ABCC9: variants seen among roughly 807,000 people sequenced by gnomAD.
The protein encoded by ABCC9 is ATP binding cassette subfamily C member 9, also known as ATP-binding cassette sub-family C member 9.
A neutral mutation model predicts 188.3 loss-of-function variants in ABCC9; 95 were observed. That is an observed-to-expected ratio of 0.50 (90% CI 0.43 to 0.60). ABCC9 has a LOEUF of 0.60. Among genes scored for constraint, ABCC9 ranks in the 20% least tolerant of loss-of-function variants. ABCC9 has a pLI of 0.00. For synonymous variants in ABCC9, 659 were observed against 652.7 expected (o/e 1.01, Z -0.15); for missense variants, 1,102 against 1,876.3 (o/e 0.59, Z 7.62).
chr12:21,825,762 T>C (rs930704818), intron 31 of ABCC9, among the ~76,000 whole-genome samples: 1 of 152,116 alleles, frequency 6.6e-6, no homozygotes, highest in Non-Finnish European at 1.5e-5. Context: ...ATGCATGTTC[T>C]GCGTATGTAT....
chr12:21,923,018 G>T (rs1345902130), intron 5 of ABCC9: 1 of 149,272 alleles, frequency 6.7e-6, no homozygotes, highest in African/African-American at 2.5e-5. Context: ...AAGTGCCAAT[G>T]CAATCTCTTG....
At chr12:21,927,654 A>G (rs1411736857) in intron 4 of ABCC9, among the ~76,000 whole-genome samples, 1 of 152,166 alleles carries the variant, frequency 6.6e-6, no homozygotes. Flanking sequence ...GGAGCTAATA[A>G]GTTTCGCCAG....
chr12:21,916,395 A>G (rs937946915), intron 6 of ABCC9, among the ~76,000 whole-genome samples: 6 of 152,182 alleles, frequency 3.9e-5, no homozygotes, highest in Middle Eastern at 3.2e-3. Context: ...TGGAAAATCT[A>G]TCTCTAGTAT....
chr12:21,857,676 G>A (rs546566086), intron 22 of ABCC9, among the ~76,000 whole-genome samples: 128 of 152,258 alleles, frequency 8.4e-4, no homozygotes, highest in Admixed American at 1.6e-3. Context: ...AGAGGAAGAC[G>A]TGACTATGTA....
intron 29 of ABCC9, among the ~76,000 whole-genome samples, chr12:21,838,826 A>T (rs1237267289): frequency 6.6e-6 from 1 of 152,152 alleles, no homozygotes; most frequent in Non-Finnish European, 1.5e-5. Context: ...TGAAGCCAGG[A>T]GTTTGAGACC....
At chr12:21,867,096 A>G (rs904037744) in intron 18 of ABCC9, among the ~76,000 whole-genome samples, 2 of 152,086 alleles carry the variant, frequency 1.3e-5, no homozygotes, top group African/African-American at 2.4e-5. Context: ...AGAGAAAGAA[A>G]AAAAGAGGTA....
intron 7 of ABCC9, among the ~76,000 whole-genome samples, chr12:21,913,747 AT>A (rs1045752605): frequency 6.6e-6 from 1 of 152,216 alleles, no homozygotes; most frequent in African/African-American, 2.4e-5. Context: ...TGTAAATAAA[AT>A]TTTAAGACCT....
chr12:21,892,307 C>A (rs1004634242), intron 14 of ABCC9, among the ~76,000 whole-genome samples: 21 of 152,044 alleles, frequency 1.4e-4, no homozygotes, highest in African/African-American at 4.8e-4. Flanking sequence ...TATTTGGTAA[C>A]CTCCTGATTT....
chr12:21,899,191 A>G (rs1947585416), intron 12 of ABCC9, among the ~76,000 whole-genome samples: 1 of 152,222 alleles, frequency 6.6e-6, no homozygotes, highest in Admixed American at 6.5e-5. Flanking sequence ...AGTTATTTCT[A>G]AACAGAACTA....
chr12:21,828,319 G>C (rs891699173), intron 31 of ABCC9: 1 of 155,326 alleles, frequency 6.4e-6, no homozygotes, highest in South Asian at 2.0e-4. Context: ...GCATGCATTC[G>C]AAAGACATTT....
intron 21 of ABCC9, 62 bp from the exon 22 acceptor site, chr12:21,859,728 A>G (rs1945410338): frequency 3.7e-6 from 5 of 1,353,134 alleles, no homozygotes; most frequent in Non-Finnish European, 5.3e-6. Context: ...TTTTGGTAAT[A>G]TGACCTTAAA....
Position 21,887,916 on chromosome 12 carries a change from C to T in ABCC9, c.1821G>A (p.Glu607=). The change falls in exon 15 of 40, where the codon GAG becomes GAA. Residue 607 remains glutamate (E), a synonymous_variant. Transcript: ENST00000261200. The stretch of plus-strand genomic sequence containing the variant: ...CACCAATCTCATCACTCAAGAGAAA[C>T]TCATTCAGCTTTTGAACACTGCAAA... ...KAIISVQKLN[E]FLLSDEIGDD... is the part of the protein sequence containing the mutation. The T allele has an allele frequency of 6.2e-7, 1 of 1,613,102 alleles. No homozygotes were observed. The highest frequency in any genetic ancestry group is 1.3e-5 in the African/African-American group (1 of 75,012).
intron 20 of ABCC9, 55 bp downstream of exon 20, chr12:21,862,898 C>A (rs936390805): frequency 7.9e-6 from 9 of 1,142,002 alleles, no homozygotes; most frequent in Non-Finnish European, 1.2e-5. Flanking sequence ...TTCCCAAACA[C>A]ACGAGTCAGA....
chr12:21,906,252 T>C lies in ABCC9; in HGVS notation c.1492A>G (p.Ile498Val), dbSNP rs1565470546. The C allele has an allele frequency of 1.2e-6, 2 of 1,612,264 alleles. No individual in the cohort carries two copies. Among genetic ancestry groups the C allele is most frequent in the African/African-American group, 1.3e-5 (1 of 74,848 alleles). ...STERLKKTNE[I>V]LKGIKLLKLY... is the part of the protein sequence containing the mutation. ...TTTAGAAGTTTGATGCCTTTCAATATTTCATTTGTTTTCTTGAGTCTCTCA... is the reference window on the plus strand; with the variant it reads ...TTTAGAAGTTTGATGCCTTTCAATACTTCATTTGTTTTCTTGAGTCTCTCA... The change falls in exon 12 of 40, where the codon ATA (isoleucine) becomes GTA (valine). Residue 498 changes from isoleucine to valine, a missense_variant. Ile to Val is a conservative substitution (Grantham distance 29). Around this residue, in one of 12 missense-constraint regions of ABCC9, gnomAD observed 8 missense variants for 47.5 expected, o/e 0.17. Transcript: ENST00000261200.
At chr12:21,888,674 T>C (rs2137696791) in intron 14 of ABCC9, among the ~76,000 whole-genome samples, 1 of 152,244 alleles carries the variant, frequency 6.6e-6, no homozygotes, top group Non-Finnish European at 1.5e-5. Flanking sequence ...TTGCCAACAT[T>C]CTTTAATGTG....
At chr12:21,829,418 G>C (rs139547033) in intron 30 of ABCC9, among the ~76,000 whole-genome samples, 10 of 151,864 alleles carry the variant, frequency 6.6e-5, no homozygotes, top group African/African-American at 1.5e-4. Flanking sequence ...AGCCAGGATG[G>C]TCTCGATCTC....
chr12:21,868,379 C>T (rs2137551749), intron 18 of ABCC9, among the ~76,000 whole-genome samples: 1 of 152,302 alleles, frequency 6.6e-6, no homozygotes, highest in Non-Finnish European at 1.5e-5. Context: ...GTGGCTCACG[C>T]CTGTAATCCC....
At chr12:21,815,471 C>T (rs1003591985) in intron 34 of ABCC9, among the ~76,000 whole-genome samples, 2 of 151,980 alleles carry the variant, frequency 1.3e-5, no homozygotes, top group Admixed American at 6.6e-5. Context: ...CAAAGATTCC[C>T]AAGGGGATGG....
At chr12:21,818,367 T>A in intron 31 of ABCC9, 116 bp from the exon 32 acceptor site, 1 of 814,550 alleles carries the variant, frequency 1.2e-6, no homozygotes, top group Non-Finnish European at 2.1e-6. Context: ...TGTGTCCTGT[T>A]AAGTTTCAGA....
Sources: allele counts gnomAD v4.1 joint callset (sites outside exome capture counted in the v4.1 genomes callset), GRCh38; gene constraint gnomAD v4.1.1; regional missense constraint gnomAD v4.1.1; transcripts MANE v1.5; gene names NCBI Gene and HGNC (gene_info 2026-07-23, HGNC 2026-07-21).